The following GALNT14 variants were observed in gnomAD, a reference collection of about 807,000 sequenced individuals.
GALNT14 encodes UDP-GalNAc:polypeptide N-acetylgalactosaminyltransferase 14.
Under a neutral mutation model 77.5 loss-of-function variants are expected in GALNT14, and 60 were observed. The ratio of observed to expected loss-of-function variants is 0.77; its 90% CI spans 0.63 to 0.96. The LOEUF is 0.96. Ranked by LOEUF, GALNT14 falls within the 40% of genes least tolerant of loss-of-function variation. The pLI is 0.00. For missense variants in GALNT14, 710 were observed against 731.0 expected (o/e 0.97, Z 0.33); for synonymous variants, 280 against 281.7 (o/e 0.99, Z 0.06).
At chr2:30,920,575 C>A (rs539408195) in intron 13 of GALNT14, among the ~76,000 whole-genome samples, 1 of 151,076 alleles carries the variant, frequency 6.6e-6, no homozygotes, top group African/African-American at 2.4e-5. Flanking sequence ...GAAGGAGGAG[C>A]GGACACTGAA....
intron 1 of GALNT14, among the ~76,000 whole-genome samples, chr2:31,011,397 C>T (rs1489473413): frequency 2.0e-5 from 3 of 152,196 alleles, no homozygotes; most frequent in African/African-American, 4.8e-5. Context: ...CTTGAATCCT[C>T]GGGTAAACCA....
At chr2:31,017,347 G>C (rs992059994) in intron 1 of GALNT14, among the ~76,000 whole-genome samples, 1 of 152,012 alleles carries the variant, frequency 6.6e-6, no homozygotes, top group East Asian at 1.9e-4. Context: ...ATTGCTGATG[G>C]GCCCTTCCAA....
rs184153818 is a variant in GALNT14, at chr2:31,114,639, C to T, written c.129+23319G>A. On this transcript the variant is annotated intron_variant, in intron 1 of 14. Transcript: ENST00000349752. ...CAGGGGCAAAAAGAAATTTCGAGAA[C>T]AGACTCTAAAAACCCAGCTTGTGAA... 6.0e-4 allele frequency: 386 copies of T among 638,902 alleles called. 3 individuals are homozygous for T. In the African/African-American group the frequency reaches 6.5e-3, roughly 11 times the overall value. The allele number at this position is 638,902 out of a possible 1,614,324, so 39.6% of individuals were successfully genotyped here. A position where few individuals can be genotyped will look rare whatever the true frequency, so the allele number is the denominator to read the frequency against.
chr2:31,019,983 T>C (rs1671614904), intron 1 of GALNT14, among the ~76,000 whole-genome samples: 1 of 152,146 alleles, frequency 6.6e-6, no homozygotes, highest in South Asian at 2.1e-4. Flanking sequence ...TATGAATATA[T>C]CTCTGTGAAA....
chr2:30,929,459 T>C lies in GALNT14; in HGVS notation c.1087A>G (p.Met363Val), dbSNP rs1665596371. Residue 363 changes from methionine to valine, a missense_variant, in exon 11 of 15, where the codon ATG becomes GTG. Physicochemically the swap from Met to Val is conservative, Grantham distance 21. Coordinates refer to ENST00000349752, the MANE Select transcript of GALNT14 (RefSeq NM_024572.4). ...KNTKRTAEVWMDEYKQYYYAA... is the reference protein window; with the variant it reads ...KNTKRTAEVWVDEYKQYYYAA... Reference sequence around the variant, plus strand: ...TAATAGTATTGCTTGTATTCATCCATCCACACTTCAGCTGTCCGCTTGGTG... The same window carrying C: ...TAATAGTATTGCTTGTATTCATCCACCCACACTTCAGCTGTCCGCTTGGTG... The C allele has an allele frequency of 6.2e-7, 1 of 1,614,148 alleles. No individual in the cohort carries two copies. The highest frequency in any genetic ancestry group is 8.5e-7 in the Non-Finnish European group (1 of 1,179,972).
At chr2:30,934,345 G>A (rs1665929154) in intron 9 of GALNT14, among the ~76,000 whole-genome samples, 1 of 152,146 alleles carries the variant, frequency 6.6e-6, no homozygotes, top group Non-Finnish European at 1.5e-5. Flanking sequence ...AACAGGGCCT[G>A]CTCCAGTTCC....
At chr2:31,101,872 T>C (rs905263444) in intron 1 of GALNT14, among the ~76,000 whole-genome samples, 1 of 152,102 alleles carries the variant, frequency 6.6e-6, no homozygotes, top group Non-Finnish European at 1.5e-5. Context: ...GCTGCTGTTC[T>C]TGTGACAGTG....
intron 1 of GALNT14, among the ~76,000 whole-genome samples, chr2:31,044,735 T>C (rs966761321): frequency 1.9e-4 from 28 of 144,608 alleles, no homozygotes; most frequent in Admixed American, 1.8e-3. Context: ...CTGGGCAACA[T>C]GGCGAAATTC....
chr2:30,936,963 G>GA (rs1666093972), intron 9 of GALNT14, among the ~76,000 whole-genome samples: 1 of 152,248 alleles, frequency 6.6e-6, no homozygotes, highest in Non-Finnish European at 1.5e-5. Flanking sequence ...GAAGCAGCAG[G>GA]AAAGGACGGC....
At chr2:31,133,853 G>T (rs534917751) in intron 1 of GALNT14, among the ~76,000 whole-genome samples, 1 of 75,778 alleles carries the variant, frequency 1.3e-5, no homozygotes, top group Non-Finnish European at 2.8e-5. Context: ...TGGATAATTG[G>T]GGGGGAGGCA....
At position 31,005,968 on chromosome 2, in the gene GALNT14, GGA is replaced by G. The variant is rs1480669881; in HGVS notation, c.130-12963_130-12962del. The stretch of plus-strand genomic sequence containing the variant: ...CACAGAAGCTGTGCAGGGTGATTCT[GGA>G]GAGAGACTTGGGTGAGATTAGAAGC... On this transcript the variant is annotated intron_variant, in intron 1 of 14. Coordinates refer to ENST00000349752, the MANE Select transcript of GALNT14 (RefSeq NM_024572.4). 2.0e-5 allele frequency among the ~76,000 whole-genome samples: 3 copies of G among 152,316 alleles called. No individual in the cohort carries two copies. The East Asian group carries it at 5.8e-4, about 29-fold the overall frequency.
intron 6 of GALNT14, among the ~76,000 whole-genome samples, chr2:30,946,966 CT>C (rs1430939168): frequency 3.3e-5 from 5 of 152,138 alleles, no homozygotes; most frequent in African/African-American, 1.2e-4. Context: ...AACATGCTCC[CT>C]TCCTTAAGTT....
intron 1 of GALNT14, among the ~76,000 whole-genome samples, chr2:31,052,583 C>A (rs2148522084): frequency 6.6e-6 from 1 of 152,278 alleles, no homozygotes; most frequent in South Asian, 2.1e-4. Flanking sequence ...AGCAGCCTGG[C>A]ACTCTAGCTC....
intron 1 of GALNT14, among the ~76,000 whole-genome samples, chr2:31,003,462 G>A (rs1020886837): frequency 1.3e-5 from 2 of 152,158 alleles, no homozygotes; most frequent in African/African-American, 4.8e-5. Context: ...GAGTTGCTCT[G>A]CTGTGGCATC....
chr2:31,034,558 G>GT (rs146528824), intron 1 of GALNT14, among the ~76,000 whole-genome samples: 13,422 of 149,938 alleles, frequency 0.09, 681 homozygotes, highest in East Asian at 0.13. Context: ...TAGTTGTTTT[G>GT]TTTTTTTTTG....
intron 1 of GALNT14, among the ~76,000 whole-genome samples, chr2:31,088,202 G>A (rs13006348): frequency 0.4 from 61,294 of 152,120 alleles, 12,839 homozygotes; most frequent in Middle Eastern, 0.46. Context: ...AAGAGAGATT[G>A]AAGGGTAAGG....
At chr2:30,983,162 T>C (rs562088918) in intron 2 of GALNT14, among the ~76,000 whole-genome samples, 3 of 152,056 alleles carry the variant, frequency 2.0e-5, no homozygotes, top group Non-Finnish European at 4.4e-5. Flanking sequence ...AAGGCTAGCT[T>C]AAGGGACCAT....
At chr2:31,021,393 C>T (rs915555869) in intron 1 of GALNT14, among the ~76,000 whole-genome samples, 8 of 150,966 alleles carry the variant, frequency 5.3e-5, no homozygotes, top group African/African-American at 2.0e-4. Flanking sequence ...CAACCTCCGC[C>T]TCCTGGGTTC....
intron 1 of GALNT14, among the ~76,000 whole-genome samples, chr2:31,078,347 C>T (rs1257172764): frequency 1.3e-5 from 2 of 152,186 alleles, no homozygotes; most frequent in Non-Finnish European, 2.9e-5. Context: ...CAACATTAGA[C>T]GATCATAAGT....
Sources: gnomAD v4.1 joint callset for allele counts (sites outside exome capture counted in the v4.1 genomes callset) on GRCh38, gnomAD v4.1.1 for gene constraint, MANE v1.5 for transcripts, NCBI Gene and HGNC (gene_info 2026-07-23, HGNC 2026-07-21) for gene names.